Variants in KPNA3 observed in about 807,000 individuals in gnomAD.
KPNA3 encodes the protein importin subunit alpha-4.
In KPNA3, 13 loss-of-function variants were observed where a neutral mutation model predicts 73.8. That is an observed-to-expected ratio of 0.18 (90% confidence interval 0.11 to 0.28). The LOEUF is 0.28. Ranked by LOEUF, KPNA3 falls within the 10% of genes least tolerant of loss-of-function variation. The probability of loss-of-function intolerance (pLI) is 1.00; values close to 1 mark genes in which losing one functional copy is unlikely to be tolerated. For missense variants in KPNA3, 360 were observed against 618.1 expected (o/e 0.58, Z 4.43); for synonymous variants, 186 against 206.9 (o/e 0.90, Z 0.87).
chr13:49,702,726 TA>T (rs1042606890), intron 15 of KPNA3, among the ~76,000 whole-genome samples: 1 of 152,026 alleles, frequency 6.6e-6, no homozygotes, highest in Non-Finnish European at 1.5e-5. Context: ...GCAGACAGTC[TA>T]AAAAAACACC....
At chr13:49,774,316 C>A (rs1954879125) in intron 1 of KPNA3, among the ~76,000 whole-genome samples, 1 of 152,128 alleles carries the variant, frequency 6.6e-6, no homozygotes, top group African/African-American at 2.4e-5. Flanking sequence ...TGAGCCACAG[C>A]CCCAACAATC....
intron 1 of KPNA3, among the ~76,000 whole-genome samples, chr13:49,756,490 A>C (rs1954713046): frequency 6.6e-6 from 1 of 151,774 alleles, no homozygotes; most frequent in East Asian, 1.9e-4. Flanking sequence ...CCAGGAGTTC[A>C]AGGCTGCAGT....
chr13:49,712,913 A>G (rs1954272776), intron 10 of KPNA3, among the ~76,000 whole-genome samples: 1 of 152,034 alleles, frequency 6.6e-6, no homozygotes, highest in Admixed American at 6.5e-5. Context: ...ACATTATTTC[A>G]CAAAATGACA....
intron 6 of KPNA3, among the ~76,000 whole-genome samples, chr13:49,731,077 G>C (rs1439422445): frequency 6.6e-6 from 1 of 150,672 alleles, no homozygotes; most frequent in Non-Finnish European, 1.5e-5. Context: ...ACTGCACCCA[G>C]CCGAATTTAT....
At chr13:49,759,398 C>T (rs951172628) in intron 1 of KPNA3, among the ~76,000 whole-genome samples, 19 of 152,234 alleles carry the variant, frequency 1.2e-4, no homozygotes, top group African/African-American at 4.6e-4. Flanking sequence ...ACAATTTTTC[C>T]ATGGACTAGG....
intron 2 of KPNA3, among the ~76,000 whole-genome samples, chr13:49,741,131 C>T (rs1405187007): frequency 6.6e-6 from 1 of 152,090 alleles, no homozygotes; most frequent in African/African-American, 2.4e-5. Flanking sequence ...AACATACTGG[C>T]TTCATTTTTC....
chr13:49,766,268 GATTT>G (rs1019403272), intron 1 of KPNA3, among the ~76,000 whole-genome samples: 3 of 152,066 alleles, frequency 2.0e-5, no homozygotes, highest in African/African-American at 7.2e-5. Flanking sequence ...TAACATCAAT[GATTT>G]ATTTTTCATT....
intron 1 of KPNA3, among the ~76,000 whole-genome samples, chr13:49,782,148 T>C (rs1324615714): frequency 1.3e-5 from 2 of 152,100 alleles, no homozygotes; most frequent in African/African-American, 4.8e-5. Context: ...ACATTAAAAA[T>C]CCCACCATAA....
intron 2 of KPNA3, among the ~76,000 whole-genome samples, chr13:49,746,665 T>G (rs1193739204): frequency 3.9e-5 from 6 of 152,184 alleles, no homozygotes; most frequent in Non-Finnish European, 1.5e-5. Context: ...AACTTTTACA[T>G]AAGCAAAGGG....
At chr13:49,750,991 C>CG (rs1182959681) in intron 1 of KPNA3, among the ~76,000 whole-genome samples, 10 of 148,414 alleles carry the variant, frequency 6.7e-5, no homozygotes, top group African/African-American at 2.0e-4. Flanking sequence ...GATTCTGTCT[C>CG]GAAAAAAAAA....
chr13:49,792,353 A>G, intron 1 of KPNA3, 85 bp downstream of exon 1: 3 of 898,860 alleles, frequency 3.3e-6, no homozygotes, highest in South Asian at 3.0e-5. Context: ...GCCGACGAGA[A>G]CCAGCCCGGC....
In KPNA3 at chr13:49,792,588, GGGGAGAGC is replaced by G. The variant is rs1349134232; in HGVS notation, c.-90_-83del. On this transcript the variant is annotated 5_prime_UTR_variant, in exon 1 of 17. Transcript: ENST00000261667. ...AATCTTGGAGCGGGAGGGGGAGGAGGGGGAGAGCGGGAGGGGGGAGGGGAGAGAAGAGC... is the reference window on the plus strand; with the variant it reads ...AATCTTGGAGCGGGAGGGGGAGGAGGGGGAGGGGGGAGGGGAGAGAAGAGC... 2 of 600,762 alleles carry G rather than the reference GGGGAGAGC, an allele frequency of 3.3e-6. No homozygotes were observed. Among genetic ancestry groups the G allele is most frequent in the Non-Finnish European group, 5.3e-6 (2 of 376,694 alleles). The allele number at this position is 600,762 out of a possible 1,614,324, so 37.2% of individuals were successfully genotyped here.
At position 49,728,738 on chromosome 13, in the gene KPNA3, A is replaced by G. The variant is rs568399039; in HGVS notation, c.384-3237T>C. 5.3e-5 allele frequency among the ~76,000 whole-genome samples: 8 copies of G among 152,350 alleles called. No individual in the cohort carries two copies. The East Asian group carries it at 1.5e-3, about 29-fold the overall frequency. ...AGAATGATAACACCTGCTTATTATG[A>G]GAGTGTTTTGAGAAAGTCAGCCAAA... On this transcript the variant is annotated intron_variant, in intron 6 of 16. Transcript: ENST00000261667.
At chr13:49,760,396 C>G (rs1211266475) in intron 1 of KPNA3, among the ~76,000 whole-genome samples, 6 of 126,950 alleles carry the variant, frequency 4.7e-5, no homozygotes, top group African/African-American at 1.8e-4. Flanking sequence ...GCCTGGGTGA[C>G]AGAGTGAGAT....
At position 49,701,508 on chromosome 13, in the gene KPNA3, T is replaced by C. The variant is rs1954147453; in HGVS notation, c.*292A>G. The C allele has an allele frequency of 1.9e-6, 1 of 514,576 alleles. No homozygotes were observed. The highest frequency in any genetic ancestry group is 3.9e-6 in the Non-Finnish European group (1 of 255,770). 31.9% of individuals were successfully genotyped at this position (514,576 alleles called of 1,614,324 possible). A position where few individuals can be genotyped will look rare whatever the true frequency, so the allele number is the denominator to read the frequency against. ...CCACTATGGAATATTTATTCTAAACTGGAGACTGCAGTTGTCAGCCTGTGG... is the reference window on the plus strand; with the variant it reads ...CCACTATGGAATATTTATTCTAAACCGGAGACTGCAGTTGTCAGCCTGTGG... On this transcript the variant is annotated 3_prime_UTR_variant, in exon 17 of 17. Coordinates refer to ENST00000261667, the MANE Select transcript of KPNA3 (RefSeq NM_002267.4).
chr13:49,786,226 T>C (rs1375741204), intron 1 of KPNA3, among the ~76,000 whole-genome samples: 5 of 152,218 alleles, frequency 3.3e-5, no homozygotes, highest in African/African-American at 1.2e-4. Context: ...ATGTAGACTT[T>C]TTTCAGGTAT....
intron 10 of KPNA3, among the ~76,000 whole-genome samples, chr13:49,713,672 C>A (rs940116815): frequency 3.4e-4 from 48 of 141,516 alleles, no homozygotes; most frequent in Non-Finnish European, 6.3e-4. Flanking sequence ...CACACACACA[C>A]ACAAAACAGA....
At chr13:49,727,750 G>C (rs1478652141) in intron 6 of KPNA3, among the ~76,000 whole-genome samples, 3 of 151,900 alleles carry the variant, frequency 2.0e-5, no homozygotes. Flanking sequence ...AGGGGTAAGG[G>C]GTAAGTCATC....
chr13:49,703,475 C>T (rs1369837560), intron 15 of KPNA3, among the ~76,000 whole-genome samples: 16 of 152,100 alleles, frequency 1.1e-4, no homozygotes, highest in Admixed American at 2.0e-4. Context: ...CCACTGCACC[C>T]GGCCAATCTT....
Sources: allele counts gnomAD v4.1 joint callset (sites outside exome capture counted in the v4.1 genomes callset), GRCh38; gene constraint gnomAD v4.1.1; transcripts MANE v1.5; gene names NCBI Gene and HGNC (gene_info 2026-07-23, HGNC 2026-07-21).